DACH2: variants seen among roughly 807,000 people sequenced by gnomAD.
DACH2 encodes dachshund homolog 2.
In DACH2, 17 loss-of-function variants were observed where a neutral mutation model predicts 35.8. The observed-to-expected ratio is 0.48, with a 90% CI of 0.33 to 0.71. The LOEUF is 0.71. DACH2 is among the 30% of genes least tolerant of loss of function. The probability of loss-of-function intolerance (pLI) is 0.02; values close to 1 mark genes in which losing one functional copy is unlikely to be tolerated. For synonymous variants in DACH2, 195 were observed against 177.3 expected (o/e 1.10, Z -0.79); for missense variants, 469 against 472.7 (o/e 0.99, Z 0.07).
At chrX:86,632,908 T>C (rs1055041850) in intron 3 of DACH2, among the ~76,000 whole-genome samples, 1 of 109,665 alleles carries the variant, frequency 9.1e-6, no homozygotes, top group African/African-American at 3.3e-5. Context: ...GAAGATGCAA[T>C]ATACTAAAAC....
At chrX:86,479,323 C>T (rs1009257291) in intron 2 of DACH2, among the ~76,000 whole-genome samples, 2 of 110,521 alleles carry the variant, frequency 1.8e-5, no homozygotes, top group African/African-American at 6.6e-5. Flanking sequence ...AACAGGAGTG[C>T]CTGTCCTCAC....
At chrX:86,554,514 T>A (rs771297151) in intron 3 of DACH2, among the ~76,000 whole-genome samples, 3 of 111,749 alleles carry the variant, frequency 2.7e-5, no homozygotes, top group Non-Finnish European at 1.9e-5. Context: ...ATAAATCATG[T>A]CATATATTAT....
intron 5 of DACH2, among the ~76,000 whole-genome samples, chrX:86,707,804 A>G (rs2041233289): frequency 9.5e-6 from 1 of 105,599 alleles, no homozygotes. Flanking sequence ...AGTCTCAGCT[A>G]CTTGGGAGGC....
intron 3 of DACH2, among the ~76,000 whole-genome samples, chrX:86,616,104 A>G (rs2039998593): frequency 9.0e-6 from 1 of 111,244 alleles, no homozygotes; most frequent in South Asian, 3.8e-4. Flanking sequence ...ACATGATCTC[A>G]TTCTTGTTTA....
intron 3 of DACH2, among the ~76,000 whole-genome samples, chrX:86,585,113 C>T (rs62593325): frequency 0.05 from 5,488 of 110,336 alleles, 117 homozygotes; most frequent in Middle Eastern, 0.11. Context: ...GATCAACATA[C>T]GCATGCATGT....
chrX:86,268,415 C>G (rs1165980174), intron 1 of DACH2, among the ~76,000 whole-genome samples: 1 of 111,417 alleles, frequency 9.0e-6, no homozygotes, highest in Non-Finnish European at 1.9e-5. Flanking sequence ...CACAAAAAAG[C>G]AAAGCAATTT....
chrX:86,174,906 ACTCCTGGGCTCAAGTGATT>A (rs1204268373), intron 1 of DACH2, among the ~76,000 whole-genome samples: 1 of 110,471 alleles, frequency 9.1e-6, no homozygotes, highest in Non-Finnish European at 1.9e-5. Flanking sequence ...CTGATCTTGA[ACTCCTGGGCTCAAGTGATT>A]CTCCCACCTC....
chrX:86,611,618 G>T (rs754710229), intron 3 of DACH2, among the ~76,000 whole-genome samples: 2 of 111,334 alleles, frequency 1.8e-5, no homozygotes, highest in South Asian at 7.7e-4. Flanking sequence ...TTTCCCTCTG[G>T]CTAGGGTTGG....
chrX:86,657,161 C>T (rs2040552813), intron 4 of DACH2, among the ~76,000 whole-genome samples: 1 of 108,193 alleles, frequency 9.2e-6, no homozygotes, highest in Non-Finnish European at 1.9e-5. Context: ...ATGAATAAAA[C>T]CTAGTATGTG....
chrX:86,522,750 C>T (rs917879003), intron 3 of DACH2, among the ~76,000 whole-genome samples: 2 of 111,521 alleles, frequency 1.8e-5, no homozygotes, highest in Non-Finnish European at 3.8e-5. Context: ...GCTTAATTCC[C>T]CAATAGCTCA....
At chrX:86,493,029 A>G (rs1322147522) in intron 2 of DACH2, among the ~76,000 whole-genome samples, 1 of 111,836 alleles carries the variant, frequency 8.9e-6, no homozygotes, top group Non-Finnish European at 1.9e-5. Context: ...AAATCGCCAA[A>G]GTGCTTTCCC....
chrX:86,437,962 C>T (rs188165863), intron 2 of DACH2, among the ~76,000 whole-genome samples: 27 of 108,987 alleles, frequency 2.5e-4, no homozygotes, highest in African/African-American at 7.4e-4. Flanking sequence ...GTTTGTTGTA[C>T]GGATTATTTT....
intron 1 of DACH2, among the ~76,000 whole-genome samples, chrX:86,250,880 T>C (rs996230187): frequency 9.0e-6 from 1 of 111,470 alleles, no homozygotes; most frequent in Non-Finnish European, 1.9e-5. Context: ...CAACTGAGGC[T>C]ACAGCATTGA....
intron 1 of DACH2, among the ~76,000 whole-genome samples, chrX:86,325,144 G>A (rs1392763745): frequency 1.8e-5 from 2 of 111,375 alleles, no homozygotes; most frequent in Non-Finnish European, 3.8e-5. Flanking sequence ...TTTTGTGGTG[G>A]CCTGAAACCC....
chrX:86,584,947 C>T (rs1194547775), intron 3 of DACH2, among the ~76,000 whole-genome samples: 1 of 110,982 alleles, frequency 9.0e-6, no homozygotes, highest in Non-Finnish European at 1.9e-5. Flanking sequence ...AGAAGGCCTC[C>T]ACCTGAATCT....
At chrX:86,314,928 G>T (rs1181451891) in intron 1 of DACH2, among the ~76,000 whole-genome samples, 1 of 112,511 alleles carries the variant, frequency 8.9e-6, no homozygotes, top group Non-Finnish European at 1.9e-5. Context: ...AGGTGAAGCA[G>T]CAAGTGCTGA....
chrX:86,499,294 C>T (rs2038216579), intron 2 of DACH2, among the ~76,000 whole-genome samples: 1 of 111,224 alleles, frequency 9.0e-6, no homozygotes, highest in Non-Finnish European at 1.9e-5. Flanking sequence ...AACTGAGACC[C>T]CTAAGGGATG....
chrX:86,666,587 A>T (rs973192329), intron 4 of DACH2, among the ~76,000 whole-genome samples: 8 of 112,023 alleles, frequency 7.1e-5, no homozygotes, highest in Non-Finnish European at 1.3e-4. Context: ...AAGTAGCTGC[A>T]AATCCAGGCA....
At chrX:86,656,660 C>G (rs2040543077) in intron 4 of DACH2, among the ~76,000 whole-genome samples, 1 of 107,872 alleles carries the variant, frequency 9.3e-6, no homozygotes, top group African/African-American at 3.4e-5. Context: ...CAGATTAGAC[C>G]TGATCTGACC....
Sources: gnomAD v4.1 joint callset for allele counts (sites outside exome capture counted in the v4.1 genomes callset) on GRCh38, gnomAD v4.1.1 for gene constraint, MANE v1.5 for transcripts, NCBI Gene and HGNC (gene_info 2026-07-23, HGNC 2026-07-21) for gene names.